Variants in TAF12 observed in about 807,000 individuals in gnomAD.
TAF12 encodes transcription initiation factor TFIID subunit 12.
Under a neutral mutation model 20.8 loss-of-function variants are expected in TAF12, and 3 were observed. The observed-to-expected ratio is 0.14, with a 90% CI of 0.07 to 0.37. The LOEUF (loss-of-function observed/expected upper bound fraction) is 0.37. TAF12 is among the 10% of genes least tolerant of loss of function. The pLI, the probability that TAF12 is intolerant of heterozygous loss-of-function variation, is 1.00. For synonymous variants in TAF12, 69 were observed against 70.2 expected, an observed-to-expected ratio of 0.98 and a Z score of 0.09; for missense variants, 131 against 197.9, an observed-to-expected ratio of 0.66 and a Z score of 2.03.
At chr1:28,613,017 G>A (rs1280513891) in intron 4 of TAF12, among the ~76,000 whole-genome samples, 1 of 152,168 alleles carries the variant, frequency 6.6e-6, no homozygotes, top group Non-Finnish European at 1.5e-5. Context: ...GGAAAAATAG[G>A]CTGATACAAC....
chr1:28,638,276 G>A (rs1279258947), intron 1 of TAF12, among the ~76,000 whole-genome samples: 1 of 149,944 alleles, frequency 6.7e-6, no homozygotes, highest in East Asian at 2.0e-4. Flanking sequence ...CACAACCTCC[G>A]CCTCTCAGGT....
intron 1 of TAF12, among the ~76,000 whole-genome samples, chr1:28,629,833 T>G (rs1667559975): frequency 6.6e-6 from 1 of 152,168 alleles, no homozygotes; most frequent in African/African-American, 2.4e-5. Context: ...AAACACGGTG[T>G]CTTGCTATGT....
At chr1:28,607,142 G>A (rs1557456208) in intron 4 of TAF12, among the ~76,000 whole-genome samples, 1 of 152,208 alleles carries the variant, frequency 6.6e-6, no homozygotes, top group African/African-American at 2.4e-5. Context: ...GTCACTTTTA[G>A]CAAATCACAG....
chr1:28,632,214 G>A (rs1309666035), intron 1 of TAF12, among the ~76,000 whole-genome samples: 7 of 152,176 alleles, frequency 4.6e-5, no homozygotes, highest in Admixed American at 4.6e-4. Context: ...AAGGCAGGTG[G>A]ATCACCTGAG....
At chr1:28,623,255 C>T (rs1399962667) in intron 1 of TAF12, among the ~76,000 whole-genome samples, 2 of 151,964 alleles carry the variant, frequency 1.3e-5, no homozygotes, top group African/African-American at 2.4e-5. Context: ...GGCACAGTGG[C>T]TCATGCCTGT....
chr1:28,643,794 G>C (rs1668117364), upstream of TAF12, among the ~76,000 whole-genome samples: 1 of 152,120 alleles, frequency 6.6e-6, no homozygotes, highest in South Asian at 2.1e-4. Context: ...GCTCACGCCT[G>C]TAATCCCAGC....
chr1:28,636,252 C>T (rs960251864), intron 1 of TAF12, among the ~76,000 whole-genome samples: 2 of 152,142 alleles, frequency 1.3e-5, no homozygotes, highest in African/African-American at 4.8e-5. Flanking sequence ...AATCCCAGAA[C>T]TTTGGGAGGA....
intron 3 of TAF12, among the ~76,000 whole-genome samples, chr1:28,617,255 G>A (rs967290880): frequency 6.6e-6 from 1 of 152,128 alleles, no homozygotes. Context: ...AGACTATGCC[G>A]TTTTTAACAG....
In TAF12 at chr1:28,621,905, G is replaced by A. The variant is rs202043421; in HGVS notation, c.168+9C>T. On this transcript the variant is annotated intron_variant, in intron 2 of 5. Coordinates refer to ENST00000373824, the MANE Select transcript of TAF12 (RefSeq NM_005644.4). ...TGGCTACAGAGAAGAAAGAGTAAGA[G>A]GATGATACCTGATTGTTTTCAGGGC... 3.1e-6 allele frequency: 5 copies of A among 1,611,906 alleles called. No individual in the cohort carries two copies. Among genetic ancestry groups the A allele is most frequent in the Non-Finnish European group, 4.2e-6 (5 of 1,179,434 alleles).
Position 28,627,260 on chromosome 1 carries a change from C to T in TAF12, c.-84-5095G>A, listed in dbSNP as rs182814418. Among the ~76,000 whole-genome samples, 396 of 151,724 alleles carry T rather than the reference C, an allele frequency of 2.6e-3. 1 individual carries two copies. The highest frequency in any genetic ancestry group is 8.9e-3 in the African/African-American group (368 of 41,362). ...AAAATTAGCCGGGCGTGGTGGCACA[C>T]GCCTGTAATCCGAGCTACTCAGGAG... On this transcript the variant is annotated intron_variant, in intron 1 of 5. Coordinates refer to ENST00000373824, the MANE Select transcript of TAF12 (RefSeq NM_005644.4).
intron 2 of TAF12, among the ~76,000 whole-genome samples, chr1:28,620,089 T>A (rs1328645847): frequency 2.1e-4 from 32 of 152,160 alleles, no homozygotes; most frequent in African/African-American, 7.0e-4. Flanking sequence ...TTCTGAAGTT[T>A]CTGTGATGAA....
At chr1:28,616,327 T>C (rs1351068355) in intron 3 of TAF12, among the ~76,000 whole-genome samples, 3 of 146,248 alleles carry the variant, frequency 2.1e-5, no homozygotes, top group Non-Finnish European at 4.5e-5. Flanking sequence ...ACCTGGGAGA[T>C]GGAGTTTGCA....
chr1:28,608,174 A>C (rs12076378), intron 4 of TAF12, among the ~76,000 whole-genome samples: 3 of 130,686 alleles, frequency 2.3e-5, no homozygotes, highest in African/African-American at 9.3e-5. Flanking sequence ...TACTAAAAAT[A>C]CAAAAAAAAA....
intron 5 of TAF12, 127 bp from the exon 6 acceptor site, chr1:28,603,701 C>T (rs1458924076): frequency 8.2e-6 from 7 of 858,850 alleles, no homozygotes; most frequent in Non-Finnish European, 1.3e-5. Context: ...GACCTGCAGT[C>T]ACAAGGCATC....
intron 2 of TAF12, among the ~76,000 whole-genome samples, chr1:28,620,271 C>T (rs547961931): frequency 6.6e-6 from 1 of 151,064 alleles, no homozygotes; most frequent in African/African-American, 2.4e-5. Flanking sequence ...GTAGCTGGGA[C>T]TACAGGTGTG....
Position 28,622,084 on chromosome 1 carries a change from T to A in TAF12, c.-3A>T. ...GCTGAGGGGCCAAACTGGTTCATAATCTGCCGAGCTTTGGACTTCAGCTCA... is the reference window on the plus strand; with the variant it reads ...GCTGAGGGGCCAAACTGGTTCATAAACTGCCGAGCTTTGGACTTCAGCTCA... On this transcript the variant is annotated 5_prime_UTR_variant, in exon 2 of 6. Coordinates refer to ENST00000373824, the MANE Select transcript of TAF12 (RefSeq NM_005644.4). 2 of 1,610,732 alleles carry A rather than the reference T, an allele frequency of 1.2e-6. No homozygotes were observed. The highest frequency in any genetic ancestry group is 1.7e-6 in the Non-Finnish European group (2 of 1,179,250).
intron 1 of TAF12, among the ~76,000 whole-genome samples, chr1:28,632,754 G>A (rs1309297293): frequency 6.6e-6 from 1 of 152,076 alleles, no homozygotes; most frequent in Non-Finnish European, 1.5e-5. Flanking sequence ...GAGGTGGGGG[G>A]TGAAATTGTT....
In TAF12 at chr1:28,603,049, A is replaced by C. The variant is rs1422545830; in HGVS notation, c.*490T>G. The C allele has an allele frequency of 3.9e-5, 6 of 153,096 alleles. No homozygotes were observed. Among genetic ancestry groups the C allele is most frequent in the Non-Finnish European group, 8.8e-5 (6 of 68,510 alleles). The allele number at this position is 153,096 out of a possible 1,614,324, so 9.5% of individuals were successfully genotyped here. Reference sequence around the variant, plus strand: ...CCTGCTGACTAGAGAGCTACAATCCAGGCTTGCTTGTCCTGACTCCCTCTG... The same window carrying C: ...CCTGCTGACTAGAGAGCTACAATCCCGGCTTGCTTGTCCTGACTCCCTCTG... On this transcript the variant is annotated 3_prime_UTR_variant, in exon 6 of 6. Transcript: ENST00000373824.
intron 1 of TAF12, among the ~76,000 whole-genome samples, chr1:28,633,270 G>A (rs938344442): frequency 3.3e-5 from 5 of 149,978 alleles, no homozygotes; most frequent in African/African-American, 7.4e-5. Flanking sequence ...GGGTTCAAGC[G>A]ATTCTACTGC....
Sources: allele counts gnomAD v4.1 joint callset (sites outside exome capture counted in the v4.1 genomes callset), GRCh38; gene constraint gnomAD v4.1.1; transcripts MANE v1.5; gene names NCBI Gene and HGNC (gene_info 2026-07-23, HGNC 2026-07-21).